TTLL11: variants seen among roughly 807,000 people sequenced by gnomAD.
The protein encoded by TTLL11 is tubulin tyrosine ligase like 11, also known as tubulin polyglutamylase TTLL11.
A neutral mutation model predicts 51.7 loss-of-function variants in TTLL11; 42 were observed. The observed-to-expected ratio is 0.81, with a 90% confidence interval of 0.64 to 1.05. The LOEUF is 1.05. Among genes scored for constraint, TTLL11 ranks in the 50% least tolerant of loss-of-function variants. The pLI is 0.00. For synonymous variants in TTLL11, 381 were observed against 383.5 expected, an observed-to-expected ratio of 0.99 and a Z score of 0.08; for missense variants, 799 against 940.4, an observed-to-expected ratio of 0.85 and a Z score of 1.97.
intron 1 of TTLL11, among the ~76,000 whole-genome samples, chr9:122,090,535 C>T (rs1846232441): frequency 6.6e-6 from 1 of 152,208 alleles, no homozygotes; most frequent in Non-Finnish European, 1.5e-5. Context: ...TTTCAGCACT[C>T]ACAACTCAGC....
intron 1 of TTLL11, among the ~76,000 whole-genome samples, chr9:122,086,594 AG>A (rs1846133778): frequency 1.3e-5 from 2 of 152,338 alleles, no homozygotes; most frequent in South Asian, 4.1e-4. Context: ...TCCACAGAGG[AG>A]GAAGGCAACC....
intron 3 of TTLL11, among the ~76,000 whole-genome samples, chr9:122,028,587 G>A (rs12335391): frequency 0.044 from 6,645 of 152,176 alleles, 171 homozygotes; most frequent in African/African-American, 0.073. Flanking sequence ...AATTAAAGCT[G>A]GAAATTTCAA....
chr9:121,897,668 G>A (rs1233985071), intron 6 of TTLL11, among the ~76,000 whole-genome samples: 1 of 145,576 alleles, frequency 6.9e-6, no homozygotes. Flanking sequence ...CAACTGCCCC[G>A]GGAGGGTGTT....
intron 1 of TTLL11, among the ~76,000 whole-genome samples, chr9:122,056,326 T>C (rs1845290647): frequency 6.6e-6 from 1 of 152,162 alleles, no homozygotes; most frequent in African/African-American, 2.4e-5. Flanking sequence ...ATAATTTCTG[T>C]AATAATAATG....
At chr9:121,938,423 C>A (rs1841313363) in intron 6 of TTLL11, among the ~76,000 whole-genome samples, 1 of 151,490 alleles carries the variant, frequency 6.6e-6, no homozygotes, top group African/African-American at 2.4e-5. Context: ...TCATTCTTTG[C>A]AAACAAAAAA....
chr9:121,829,293 CA>C (rs915475968), intron 8 of TTLL11, among the ~76,000 whole-genome samples: 2 of 151,720 alleles, frequency 1.3e-5, no homozygotes, highest in Non-Finnish European at 2.9e-5. Context: ...AAGAAAATCT[CA>C]TAGAGTACCC....
At chr9:121,836,280 G>A (rs1837176943) in intron 8 of TTLL11, among the ~76,000 whole-genome samples, 1 of 152,130 alleles carries the variant, frequency 6.6e-6, no homozygotes, top group Admixed American at 6.5e-5. Flanking sequence ...CTGGTAGTGG[G>A]GATAAAAAAC....
At chr9:121,915,563 AC>A (rs1368980831) in intron 6 of TTLL11, among the ~76,000 whole-genome samples, 1 of 152,118 alleles carries the variant, frequency 6.6e-6, no homozygotes, top group African/African-American at 2.4e-5. Flanking sequence ...TGAATCAGAA[AC>A]TTTTGTGCTA....
At chr9:121,984,640 G>C (rs1488429216) in intron 4 of TTLL11, among the ~76,000 whole-genome samples, 2 of 152,106 alleles carry the variant, frequency 1.3e-5, no homozygotes, top group Non-Finnish European at 2.9e-5. Flanking sequence ...TGAAGGGTAA[G>C]GAGGAGGTCA....
chr9:122,053,621 C>A (rs1427587332), intron 1 of TTLL11, among the ~76,000 whole-genome samples: 1 of 152,052 alleles, frequency 6.6e-6, no homozygotes, highest in Non-Finnish European at 1.5e-5. Context: ...AGGAAGCTGA[C>A]CTAGGCTGGG....
chr9:121,916,627 C>T (rs1000727837), intron 6 of TTLL11, among the ~76,000 whole-genome samples: 3 of 152,160 alleles, frequency 2.0e-5, no homozygotes, highest in South Asian at 2.1e-4. Flanking sequence ...GGAAGGCTTT[C>T]AGAGGAAGCA....
intron 1 of TTLL11, among the ~76,000 whole-genome samples, chr9:122,070,983 G>A (rs951775973): frequency 6.6e-6 from 1 of 152,194 alleles, no homozygotes; most frequent in African/African-American, 2.4e-5. Context: ...ACCAAGGGCT[G>A]AGAGGATAGT....
Position 121,889,169 on chromosome 9 carries a change from C to T in TTLL11, c.1482-18421G>A, listed in dbSNP as rs531899638. Among the ~76,000 whole-genome samples, 102 of 152,018 alleles carry T rather than the reference C, an allele frequency of 6.7e-4. No homozygotes were observed. In the Middle Eastern group the frequency reaches 0.01, roughly 15 times the overall value. On this transcript the variant is annotated intron_variant, in intron 6 of 8. Coordinates refer to ENST00000321582, the MANE Select transcript of TTLL11 (RefSeq NM_001139442.2). The stretch of plus-strand genomic sequence containing the variant: ...CTATGAGGTATCTCTACTTTACAGA[C>T]GGGGAAAAATAGGCCCAGAGAAGTG...
In TTLL11 at chr9:121,826,204, ATATATATATATATG is replaced by A. The variant is rs1293233944; in HGVS notation, c.1841-3339_1841-3326del. The stretch of plus-strand genomic sequence containing the variant: ...GTAACCTATATATATATATATATAT[ATATATATATATATG>A]CACACATATATATATACACGCACAT... On this transcript the variant is annotated intron_variant, in intron 8 of 8. Transcript: ENST00000321582. Among the ~76,000 whole-genome samples the A allele has an allele frequency of 2.7e-3, 302 of 113,222 alleles. 33 individuals are homozygous for A. Among genetic ancestry groups the A allele is most frequent in the African/African-American group, 0.011 (282 of 25,840 alleles). The allele number at this position is 113,222 out of a possible 152,430, so 74.3% of individuals were successfully genotyped here.
chr9:122,029,408 G>A (rs1844455404), intron 3 of TTLL11, among the ~76,000 whole-genome samples: 1 of 152,198 alleles, frequency 6.6e-6, no homozygotes, highest in Non-Finnish European at 1.5e-5. Flanking sequence ...AGTGGGATAA[G>A]AAGTGGAGGT....
chr9:122,026,546 C>T (rs1234464180), intron 3 of TTLL11, among the ~76,000 whole-genome samples: 3 of 151,710 alleles, frequency 2.0e-5, no homozygotes, highest in Non-Finnish European at 4.4e-5. Context: ...GATGATTTCA[C>T]GGATTTTTAC....
chr9:122,012,229 G>C (rs1843815234), intron 3 of TTLL11, among the ~76,000 whole-genome samples: 2 of 152,110 alleles, frequency 1.3e-5, no homozygotes, highest in Admixed American at 1.3e-4. Flanking sequence ...TTTTCTCGTA[G>C]AAAATTAGAC....
rs569547245 is a variant in TTLL11, at chr9:121,902,644, C to T, written c.1482-31896G>A. Among the ~76,000 whole-genome samples, 24 of 151,116 alleles carry T rather than the reference C, an allele frequency of 1.6e-4. 1 individual carries two copies. The highest frequency in any genetic ancestry group is 5.8e-4 in the African/African-American group (24 of 41,230). ...GATGTTGACGGGTTTATCTCACTCT[C>T]CTTTTTCGTGCCTGTACTGAGTTTG... On this transcript the variant is annotated intron_variant, in intron 6 of 8. Coordinates refer to ENST00000321582, the MANE Select transcript of TTLL11 (RefSeq NM_001139442.2).
chr9:121,931,491 C>T (rs1338152262), intron 6 of TTLL11, among the ~76,000 whole-genome samples: 1 of 151,142 alleles, frequency 6.6e-6, no homozygotes, highest in Non-Finnish European at 1.5e-5. Flanking sequence ...ACCTGTAATC[C>T]CAGCACTTTG....
Sources: allele counts gnomAD v4.1 joint callset (sites outside exome capture counted in the v4.1 genomes callset), GRCh38; gene constraint gnomAD v4.1.1; transcripts MANE v1.5; gene names NCBI Gene and HGNC (gene_info 2026-07-23, HGNC 2026-07-21).